Variants in ELMO1 observed in about 807,000 individuals in gnomAD.
The protein encoded by ELMO1 is engulfment and cell motility protein 1.
ELMO1 carries 26 observed loss-of-function variants against 98.9 expected under a neutral mutation model. The observed-to-expected ratio is 0.26, with a 90% confidence interval of 0.19 to 0.36. ELMO1 has a LOEUF of 0.36. ELMO1 is among the 10% of genes least tolerant of loss of function. The pLI, the probability that ELMO1 is intolerant of heterozygous loss-of-function variation, is 1.00. For missense variants in ELMO1, 627 were observed against 935.2 expected (o/e 0.67, Z 4.30); for synonymous variants, 346 against 346.0 (o/e 1.00, Z 0.00).
intron 16 of ELMO1, among the ~76,000 whole-genome samples, chr7:36,896,891 C>G (rs1400335324): frequency 6.6e-6 from 1 of 152,112 alleles, no homozygotes; most frequent in Non-Finnish European, 1.5e-5. Flanking sequence ...ATTACTGTTT[C>G]CCAATGATAT....
chr7:36,952,801 T>A (rs1788078097), intron 16 of ELMO1, among the ~76,000 whole-genome samples: 1 of 151,294 alleles, frequency 6.6e-6, no homozygotes, highest in Admixed American at 6.6e-5. Flanking sequence ...GAAAAAAAAA[T>A]ACACAGAGAG....
intron 15 of ELMO1, among the ~76,000 whole-genome samples, chr7:37,057,931 A>G (rs1332498431): frequency 1.3e-5 from 2 of 152,222 alleles, no homozygotes; most frequent in African/African-American, 2.4e-5. Flanking sequence ...AAATTCTTAT[A>G]CCATTACCAC....
intron 13 of ELMO1, among the ~76,000 whole-genome samples, chr7:37,189,984 C>G (rs1030763959): frequency 1.3e-5 from 2 of 150,150 alleles, no homozygotes; most frequent in Non-Finnish European, 2.9e-5. Flanking sequence ...CTATGAATCT[C>G]TCTACAAACC....
At chr7:36,860,300 C>G (rs925768478) in intron 21 of ELMO1, among the ~76,000 whole-genome samples, 1 of 152,128 alleles carries the variant, frequency 6.6e-6, no homozygotes, top group Non-Finnish European at 1.5e-5. Context: ...ACTGTGTTAA[C>G]CTTTCTATTG....
intron 16 of ELMO1, among the ~76,000 whole-genome samples, chr7:36,950,921 A>C (rs1018406578): frequency 6.6e-6 from 1 of 152,230 alleles, no homozygotes; most frequent in Non-Finnish European, 1.5e-5. Flanking sequence ...TCTCTGGAGC[A>C]GTAAATGACC....
At chr7:37,421,476 C>G (rs905508330) in intron 1 of ELMO1, among the ~76,000 whole-genome samples, 5 of 152,222 alleles carry the variant, frequency 3.3e-5, no homozygotes, top group African/African-American at 1.2e-4. Flanking sequence ...CAAAATATCA[C>G]AAGTTCCTTT....
At chr7:37,149,486 T>A (rs1222053168) in intron 13 of ELMO1, among the ~76,000 whole-genome samples, 2 of 151,338 alleles carry the variant, frequency 1.3e-5, no homozygotes, top group East Asian at 3.9e-4. Flanking sequence ...TAAATAGTTT[T>A]TTAATCAAAA....
intron 4 of ELMO1, among the ~76,000 whole-genome samples, chr7:37,297,593 C>A: frequency 6.8e-6 from 1 of 147,812 alleles, no homozygotes; most frequent in African/African-American, 2.5e-5. Context: ...GAAGAATGGC[C>A]CCTTTAGCAC....
At chr7:37,002,943 T>A (rs141129817) in intron 16 of ELMO1, among the ~76,000 whole-genome samples, 24 of 152,314 alleles carry the variant, frequency 1.6e-4, no homozygotes, top group African/African-American at 5.5e-4. Flanking sequence ...CTCAGGGGCA[T>A]CTGAGTGAGT....
At chr7:37,428,631 T>C (rs942702857) in intron 1 of ELMO1, among the ~76,000 whole-genome samples, 1 of 152,180 alleles carries the variant, frequency 6.6e-6, no homozygotes, top group African/African-American at 2.4e-5. Flanking sequence ...TAGGAAATAT[T>C]TTCCACCACG....
chr7:36,887,528 A>C, intron 18 of ELMO1, 32 bp downstream of exon 18: 1 of 1,605,366 alleles, frequency 6.2e-7, no homozygotes, highest in South Asian at 1.1e-5. Context: ...TGTTTACCCT[A>C]TCCAAGTTTG....
intron 2 of ELMO1, 48 bp from the exon 3 acceptor site, chr7:37,316,008 T>C: frequency 7.3e-7 from 1 of 1,376,834 alleles, no homozygotes; most frequent in Non-Finnish European, 1.0e-6. Context: ...GTTTCATCAT[T>C]TTAAATTAAA....
chr7:37,026,474 C>T (rs1794584656), intron 15 of ELMO1, among the ~76,000 whole-genome samples: 1 of 152,104 alleles, frequency 6.6e-6, no homozygotes, highest in African/African-American at 2.4e-5. Flanking sequence ...AACTGACTCC[C>T]CTTCAAAAGT....
intron 13 of ELMO1, among the ~76,000 whole-genome samples, chr7:37,135,383 C>A (rs1787200108): frequency 6.6e-6 from 1 of 152,170 alleles, no homozygotes; most frequent in Non-Finnish European, 1.5e-5. Flanking sequence ...ATTCACAGAC[C>A]CTTTGAAGGA....
intron 1 of ELMO1, among the ~76,000 whole-genome samples, chr7:37,421,075 A>G (rs1804452096): frequency 6.6e-6 from 1 of 152,244 alleles, no homozygotes; most frequent in Non-Finnish European, 1.5e-5. Flanking sequence ...CACTCTGAGC[A>G]GTACAGACTA....
chr7:37,375,655 GTCATGAAGGCCATGCAGTC>G (rs1187849099), intron 1 of ELMO1: 4 of 1,226,176 alleles, frequency 3.3e-6, no homozygotes, highest in African/African-American at 3.0e-5. Context: ...CAACCTTCAG[GTCATGAAGGCCATGCAGTC>G]TCTCAAGTCC....
At chr7:37,277,311 A>G (rs542708520) in intron 4 of ELMO1, among the ~76,000 whole-genome samples, 8 of 152,380 alleles carry the variant, frequency 5.3e-5, no homozygotes, top group Admixed American at 5.2e-4. Context: ...CAGGGTGTGC[A>G]GCACAGGCTT....
chr7:37,088,776 C>A (rs946231247), intron 15 of ELMO1, among the ~76,000 whole-genome samples: 1 of 152,184 alleles, frequency 6.6e-6, no homozygotes, highest in African/African-American at 2.4e-5. Flanking sequence ...AAACAATCAC[C>A]TTCAAATGAC....
chr7:37,259,646 T>A (rs1795876738), intron 5 of ELMO1, among the ~76,000 whole-genome samples: 1 of 152,138 alleles, frequency 6.6e-6, no homozygotes, highest in Admixed American at 6.6e-5. Flanking sequence ...CCCTAGAAAC[T>A]GAACAGGATG....
Sources: allele counts gnomAD v4.1 joint callset (sites outside exome capture counted in the v4.1 genomes callset), GRCh38; gene constraint gnomAD v4.1.1; transcripts MANE v1.5; gene names NCBI Gene and HGNC (gene_info 2026-07-23, HGNC 2026-07-21).